Variants in ACACB observed in about 807,000 individuals in gnomAD.
ACACB encodes the protein acetyl-CoA carboxylase beta.
A neutral mutation model predicts 278.8 loss-of-function variants in ACACB; 209 were observed. The observed-to-expected ratio is 0.75, with a 90% CI of 0.67 to 0.84. The LOEUF (loss-of-function observed/expected upper bound fraction) is 0.84, where lower values mean the gene tolerates loss of function less well. ACACB is among the 40% of genes least tolerant of loss of function. The pLI, the probability that ACACB is intolerant of heterozygous loss-of-function variation, is 0.00. For synonymous variants in ACACB, 1,174 were observed against 1,285.6 expected (o/e 0.91, Z 1.86); for missense variants, 2,850 against 3,269.0 (o/e 0.87, Z 3.13).
In ACACB at chr12:109,167,974, A is replaced by G; in HGVS notation, c.865A>G (p.Asn289Asp). The G allele has an allele frequency of 6.2e-7, 1 of 1,613,844 alleles. No homozygotes were observed. Among genetic ancestry groups the G allele is most frequent in the East Asian group, 2.2e-5 (1 of 44,802 alleles). ...CAGGTGGGCCTATGAGATGTTCCGCAACGAGCGGGCCATCCGGTTTGTTGT... is the reference window on the plus strand; with the variant it reads ...CAGGTGGGCCTATGAGATGTTCCGCGACGAGCGGGCCATCCGGTTTGTTGT... Reference protein sequence around the residue: ...IRRWAYEMFRNERAIRFVVMV... With the variant: ...IRRWAYEMFRDERAIRFVVMV... The change falls in exon 4 of 53, where the codon AAC (asparagine) becomes GAC (aspartate). Residue 289 changes from asparagine (N) to aspartate (D), a missense_variant. Around this residue, in one of 3 missense-constraint regions of ACACB, gnomAD observed 2,265 missense variants for 2,561.3 expected, o/e 0.88. Transcript: ENST00000338432.
chr12:109,148,110 C>G (rs1379696713), intron 2 of ACACB, among the ~76,000 whole-genome samples: 1 of 152,198 alleles, frequency 6.6e-6, no homozygotes, highest in African/African-American at 2.4e-5. Context: ...CCCATCTCCT[C>G]CCCTTTGGGT....
At chr12:109,244,820 A>ATCTG (rs2046896155) in intron 37 of ACACB, among the ~76,000 whole-genome samples, 1 of 152,000 alleles carries the variant, frequency 6.6e-6, no homozygotes, top group South Asian at 2.1e-4. Context: ...TTATCTATCT[A>ATCTG]TCTATCGAGA....
At chr12:109,124,981 T>C (rs1027311401) in intron 1 of ACACB, among the ~76,000 whole-genome samples, 1 of 152,218 alleles carries the variant, frequency 6.6e-6, no homozygotes, top group Non-Finnish European at 1.5e-5. Context: ...TCCAAAGAGC[T>C]GGCATTACAG....
At chr12:109,114,947 G>A (rs1386197855), upstream of ACACB, among the ~76,000 whole-genome samples, 2 of 152,090 alleles carry the variant, frequency 1.3e-5, no homozygotes, top group South Asian at 2.1e-4. Flanking sequence ...TTCTATTACC[G>A]TTCTTGTGTT....
chr12:109,221,727 T>G (rs1218643849), intron 24 of ACACB, among the ~76,000 whole-genome samples: 1 of 152,150 alleles, frequency 6.6e-6, no homozygotes, highest in Non-Finnish European at 1.5e-5. Context: ...GTGAGGCATA[T>G]TGCCTCTTTG....
At chr12:109,260,279 C>T in intron 47 of ACACB, 2 of 1,137,950 alleles carry the variant, frequency 1.8e-6, no homozygotes, top group Non-Finnish European at 2.6e-6. Flanking sequence ...GATGAGGCCA[C>T]TGAGGCCCAC....
At chr12:109,127,321 A>G (rs913148403) in intron 1 of ACACB, among the ~76,000 whole-genome samples, 8 of 152,102 alleles carry the variant, frequency 5.3e-5, no homozygotes, top group African/African-American at 1.9e-4. Context: ...CAAGATGCTT[A>G]TAGTGGAAGG....
At chr12:109,154,019 T>A (rs185374223) in intron 2 of ACACB, among the ~76,000 whole-genome samples, 2 of 152,344 alleles carry the variant, frequency 1.3e-5, no homozygotes, top group East Asian at 3.9e-4. Context: ...CTCTGGCACT[T>A]CAGATAACAT....
chr12:109,176,130 G>T (rs145465749), intron 8 of ACACB, 23 bp from the exon 9 acceptor site: 25 of 1,613,656 alleles, frequency 1.5e-5, no homozygotes, highest in Non-Finnish European at 2.0e-5. Context: ...CTCTAAAGAG[G>T]TCTGTTTGTC....
chr12:109,122,864 ATAT>A, intron 1 of ACACB, among the ~76,000 whole-genome samples: 1 of 151,624 alleles, frequency 6.6e-6, no homozygotes, highest in Admixed American at 6.6e-5. Flanking sequence ...CATTTTCCCT[ATAT>A]TATTCCCCCA....
chr12:109,256,301 T>C (rs1304488722), intron 45 of ACACB, 65 bp downstream of exon 45: 5 of 1,361,270 alleles, frequency 3.7e-6, no homozygotes, highest in African/African-American at 1.4e-5. Context: ...CCCCGAGGTG[T>C]GAGGCCAGGG....
intron 28 of ACACB, among the ~76,000 whole-genome samples, chr12:109,231,524 G>A (rs1256076784): frequency 6.6e-6 from 1 of 152,154 alleles, no homozygotes; most frequent in Non-Finnish European, 1.5e-5. Context: ...GAGGGGCCAT[G>A]ATCGTGATTT....
chr12:109,262,128 C>T (rs2136845887), intron 48 of ACACB, among the ~76,000 whole-genome samples: 1 of 152,174 alleles, frequency 6.6e-6, no homozygotes, highest in Non-Finnish European at 1.5e-5. Flanking sequence ...GTTCAGAAAG[C>T]ATTATTTTAA....
intron 11 of ACACB, among the ~76,000 whole-genome samples, chr12:109,184,594 A>C (rs1447397100): frequency 6.6e-6 from 1 of 152,132 alleles, no homozygotes; most frequent in Non-Finnish European, 1.5e-5. Flanking sequence ...TCTTAAATCC[A>C]GGATCCAACC....
In ACACB at chr12:109,233,924, C is replaced by A; in HGVS notation, c.4240-14C>A. On this transcript the variant is annotated splice_polypyrimidine_tract_variant and intron_variant, in intron 30 of 52. Transcript: ENST00000338432. ...CCAGGCTTTCCAGCCCTACCCCTTG[C>A]TTCTCCCTCTCAGAGCCTCAGAGAA... is the stretch of plus-strand genomic sequence containing the variant. 6.2e-7 allele frequency: 1 copy of A among 1,613,800 alleles called. No individual in the cohort carries two copies. Among genetic ancestry groups the A allele is most frequent in the Non-Finnish European group, 8.5e-7 (1 of 1,179,686 alleles).
intron 28 of ACACB, among the ~76,000 whole-genome samples, chr12:109,230,521 C>T (rs962588699): frequency 1.3e-5 from 2 of 152,244 alleles, no homozygotes; most frequent in African/African-American, 2.4e-5. Flanking sequence ...CTCCTGGGCT[C>T]ATGTGATCCT....
intron 41 of ACACB, among the ~76,000 whole-genome samples, chr12:109,251,696 A>G (rs2047099986): frequency 6.6e-6 from 1 of 152,178 alleles, no homozygotes; most frequent in Non-Finnish European, 1.5e-5. Context: ...ACCAGTTTTT[A>G]CATGCACTCC....
At chr12:109,199,298 AC>A (rs1160347288) in intron 17 of ACACB, 103 bp from the exon 18 acceptor site, 2 of 1,022,462 alleles carry the variant, frequency 2.0e-6, no homozygotes, top group African/African-American at 3.3e-5. Context: ...TGTAGAGGGT[AC>A]ACTCCCCCTT....
At chr12:109,114,690 A>AT (rs778029429), upstream of ACACB, among the ~76,000 whole-genome samples, 1,644 of 146,902 alleles carry the variant, frequency 0.011, 12 homozygotes, top group Non-Finnish European at 0.015. Context: ...AAAAAAAAAA[A>AT]TTTTTTTTTT....
Sources: gnomAD v4.1 joint callset for allele counts (sites outside exome capture counted in the v4.1 genomes callset) on GRCh38, gnomAD v4.1.1 for gene constraint, gnomAD v4.1.1 regional missense constraint, MANE v1.5 for transcripts, NCBI Gene and HGNC (gene_info 2026-07-23, HGNC 2026-07-21) for gene names.